The following TMTC2 variants were observed in gnomAD, a reference collection of about 807,000 sequenced individuals.
TMTC2 encodes the protein protein O-mannosyl-transferase TMTC2.
In TMTC2, 43 loss-of-function variants were observed where a neutral mutation model predicts 82.4. The observed-to-expected ratio is 0.52, with a 90% CI of 0.41 to 0.67. The LOEUF is 0.67. TMTC2 is among the 30% of genes least tolerant of loss of function. The pLI is 0.00. For missense variants in TMTC2, 919 were observed against 1,012.4 expected (o/e 0.91, Z 1.25); for synonymous variants, 408 against 381.9 (o/e 1.07, Z -0.80).
intron 8 of TMTC2, among the ~76,000 whole-genome samples, chr12:83,008,004 C>A (rs1453734097): frequency 6.6e-6 from 1 of 152,102 alleles, no homozygotes; most frequent in East Asian, 1.9e-4. Context: ...CAACCTTATC[C>A]ATAGGTAAGG....
At chr12:82,982,942 G>A (rs758176980) in intron 7 of TMTC2, among the ~76,000 whole-genome samples, 17 of 151,998 alleles carry the variant, frequency 1.1e-4, no homozygotes, top group Non-Finnish European at 2.1e-4. Context: ...AATCCAAATA[G>A]TGACATTCCT....
chr12:82,831,645 A>G (rs1284220812), intron 1 of TMTC2, among the ~76,000 whole-genome samples: 1 of 152,052 alleles, frequency 6.6e-6, no homozygotes, highest in Non-Finnish European at 1.5e-5. Flanking sequence ...AATTGTCTCT[A>G]ATACTTAGGG....
At position 83,030,834 on chromosome 12, in the gene TMTC2, G is replaced by A. The variant is rs1009805984; in HGVS notation, c.2107G>A (p.Ala703Thr). The stretch of plus-strand genomic sequence containing the variant: ...TGAGGCTGAAAAGCTCTTCTTGAAG[G>A]CTATTGAGCTGGATCCCACCAAAGG... ...KSEAEKLFLKAIELDPTKGNC... is the reference protein window; with the variant it reads ...KSEAEKLFLKTIELDPTKGNC... Residue 703 changes from alanine to threonine, a missense_variant, in exon 9 of 12, where the codon GCT becomes ACT. Coordinates refer to ENST00000321196, the MANE Select transcript of TMTC2 (RefSeq NM_152588.3). The A allele has an allele frequency of 6.2e-7, 1 of 1,613,704 alleles. No individual in the cohort carries two copies. Among genetic ancestry groups the A allele is most frequent in the South Asian group, 1.1e-5 (1 of 91,048 alleles).
chr12:82,709,128 G>A (rs1053154228), intron 1 of TMTC2, among the ~76,000 whole-genome samples: 1 of 149,934 alleles, frequency 6.7e-6, no homozygotes, highest in African/African-American at 2.5e-5. Context: ...TGTTTTTGCC[G>A]TGATCTGGAT....
At chr12:82,971,557 AT>A (rs976373486) in intron 7 of TMTC2, among the ~76,000 whole-genome samples, 3 of 152,050 alleles carry the variant, frequency 2.0e-5, no homozygotes, top group African/African-American at 7.2e-5. Context: ...GTGTCCAATT[AT>A]TTTTATCTGT....
At position 82,781,399 on chromosome 12, in the gene TMTC2, C is replaced by CTTTTTTT. The variant is rs71068954; in HGVS notation, c.84-75596_84-75590dup. Among the ~76,000 whole-genome samples the CTTTTTTT allele has an allele frequency of 5.8e-5, 7 of 121,182 alleles. 1 individual carries two copies. Among genetic ancestry groups the CTTTTTTT allele is most frequent in the African/African-American group, 9.3e-5 (3 of 32,186 alleles). The allele number at this position is 121,182 out of a possible 152,430, so 79.5% of individuals were successfully genotyped here. ...ATAGAGTATGTGTGTGGAGTTTGCTCTTTTTTTTTTTTTTTTTTTTTAGCA... is the reference window on the plus strand; with the variant it reads ...ATAGAGTATGTGTGTGGAGTTTGCTCTTTTTTTTTTTTTTTTTTTTTTTTTTTTAGCA... On this transcript the variant is annotated intron_variant, in intron 1 of 11. Coordinates refer to ENST00000321196, the MANE Select transcript of TMTC2 (RefSeq NM_152588.3).
intron 4 of TMTC2, among the ~76,000 whole-genome samples, chr12:82,948,725 C>A (rs1322997465): frequency 6.6e-6 from 1 of 152,202 alleles, no homozygotes; most frequent in Non-Finnish European, 1.5e-5. Flanking sequence ...CACTAAATCT[C>A]TGTGTGCCCA....
chr12:82,943,423 T>C (rs1191296902), intron 4 of TMTC2, among the ~76,000 whole-genome samples: 1 of 152,182 alleles, frequency 6.6e-6, no homozygotes, highest in Non-Finnish European at 1.5e-5. Flanking sequence ...CAAAGTTTCA[T>C]CACCTCCTGC....
intron 11 of TMTC2, among the ~76,000 whole-genome samples, chr12:83,094,187 G>T (rs775721774): frequency 1.3e-5 from 2 of 152,178 alleles, no homozygotes; most frequent in Non-Finnish European, 2.9e-5. Context: ...TATGCCCTGG[G>T]GGCACCAAGT....
Position 82,898,871 on chromosome 12 carries a change from A to G in TMTC2, c.1483+2225A>G, listed in dbSNP as rs75991324. On this transcript the variant is annotated intron_variant, in intron 3 of 11. Transcript: ENST00000321196. ...AATTTTATTACACTGCAAAAAGGAG[A>G]GGGCAAATACTCAGATGCTAGGGTA... Among the ~76,000 whole-genome samples, 387 of 152,346 alleles carry G rather than the reference A, an allele frequency of 2.5e-3. 3 individuals are homozygous for G. The highest frequency in any genetic ancestry group is 9.0e-3 in the African/African-American group (375 of 41,596).
At chr12:83,088,309 C>CT (rs569006326) in intron 11 of TMTC2, among the ~76,000 whole-genome samples, 46 of 152,164 alleles carry the variant, frequency 3.0e-4, no homozygotes, top group Non-Finnish European at 5.3e-4. Flanking sequence ...ACAATTACAT[C>CT]TTTTTTTTGT....
chr12:82,886,742 A>G (rs1013418366), intron 2 of TMTC2, among the ~76,000 whole-genome samples: 3 of 152,144 alleles, frequency 2.0e-5, no homozygotes, highest in Non-Finnish European at 4.4e-5. Context: ...TAATAAGGAA[A>G]CCCATTTTTC....
intron 6 of TMTC2, chr12:82,965,950 T>C (rs745959485): frequency 3.3e-5 from 19 of 568,612 alleles, no homozygotes; most frequent in Non-Finnish European, 5.2e-5. Context: ...TTCTGCTAAA[T>C]AAAAATTTAA....
intron 3 of TMTC2, among the ~76,000 whole-genome samples, chr12:82,927,495 C>A (rs1015946545): frequency 6.6e-6 from 1 of 152,126 alleles, no homozygotes; most frequent in African/African-American, 2.4e-5. Flanking sequence ...GCTGAAATGA[C>A]AACAAAGCAC....
intron 11 of TMTC2, among the ~76,000 whole-genome samples, chr12:83,087,870 C>A (rs1301840292): frequency 1.3e-5 from 2 of 152,184 alleles, no homozygotes; most frequent in African/African-American, 4.8e-5. Flanking sequence ...TGAGCACTGG[C>A]ATCAACTTAA....
chr12:82,914,848 G>A (rs1209613264), intron 3 of TMTC2, among the ~76,000 whole-genome samples: 4 of 133,604 alleles, frequency 3.0e-5, no homozygotes, highest in South Asian at 4.8e-4. Context: ...TTTTTGAGAC[G>A]GAGTTTCGCT....
At chr12:82,740,374 G>T (rs775054700) in intron 1 of TMTC2, among the ~76,000 whole-genome samples, 28 of 152,188 alleles carry the variant, frequency 1.8e-4, no homozygotes, top group Non-Finnish European at 3.8e-4. Flanking sequence ...ATAAATCCCT[G>T]CCTCTTGGAA....
At chr12:83,069,832 T>G (rs781722926) in intron 11 of TMTC2, among the ~76,000 whole-genome samples, 1 of 152,184 alleles carries the variant, frequency 6.6e-6, no homozygotes, top group Non-Finnish European at 1.5e-5. Flanking sequence ...GTCTTAGGTT[T>G]AAGTCCTTAA....
At chr12:82,895,169 A>G (rs1873595741) in intron 2 of TMTC2, among the ~76,000 whole-genome samples, 1 of 151,932 alleles carries the variant, frequency 6.6e-6, no homozygotes, top group South Asian at 2.1e-4. Flanking sequence ...TTTGGGATTC[A>G]TGAGGAGTGT....
Sources: gnomAD v4.1 joint callset for allele counts (sites outside exome capture counted in the v4.1 genomes callset) on GRCh38, gnomAD v4.1.1 for gene constraint, MANE v1.5 for transcripts, NCBI Gene and HGNC (gene_info 2026-07-23, HGNC 2026-07-21) for gene names.